PDE8B: variants seen among roughly 807,000 people sequenced by gnomAD.
PDE8B encodes high affinity cAMP-specific and IBMX-insensitive 3',5'-cyclic phosphodiesterase 8B.
PDE8B carries 26 observed loss-of-function variants against 101.3 expected under a neutral mutation model. The ratio of observed to expected loss-of-function variants is 0.26; its 90% CI spans 0.19 to 0.36. PDE8B has a LOEUF of 0.36. Among genes scored for constraint, PDE8B ranks in the 10% least tolerant of loss-of-function variants. The pLI is 1.00. For synonymous variants in PDE8B, 424 were observed against 429.3 expected, an observed-to-expected ratio of 0.99 and a Z score of 0.15; for missense variants, 810 against 1,163.1, an observed-to-expected ratio of 0.70 and a Z score of 4.42.
At chr5:77,148,356 T>G in the PDE8B span, 1 of 152,246 alleles carries the variant, frequency 6.6e-6, no homozygotes, top group African/African-American at 2.4e-5. Context: ...TGTACAGTTT[T>G]GTGTGGACAT....
intron 10 of PDE8B, among the ~76,000 whole-genome samples, chr5:77,398,112 C>CTA (rs1791458476): frequency 6.6e-6 from 1 of 151,802 alleles, no homozygotes; most frequent in Non-Finnish European, 1.5e-5. Context: ...TTAGATCCCT[C>CTA]GTGTGGCAAG....
intron 2 of PDE8B, among the ~76,000 whole-genome samples, chr5:77,314,491 A>C (rs1022576928): frequency 6.6e-6 from 1 of 152,090 alleles, no homozygotes; most frequent in East Asian, 1.9e-4. Context: ...GAGTATTACT[A>C]TGTTAACAAT....
At chr5:77,296,027 G>C (rs552515179) in intron 1 of PDE8B, among the ~76,000 whole-genome samples, 18 of 152,228 alleles carry the variant, frequency 1.2e-4, no homozygotes, top group African/African-American at 4.1e-4. Context: ...CAAGTCAAAT[G>C]ACTACCCCTA....
At chr5:77,395,301 G>C (rs1221071258) in intron 10 of PDE8B, among the ~76,000 whole-genome samples, 1 of 151,312 alleles carries the variant, frequency 6.6e-6, no homozygotes, top group Admixed American at 6.6e-5. Flanking sequence ...ATTTTTAGTA[G>C]AGAGGGGGTT....
At chr5:77,308,425 T>C (rs1771756866) in intron 1 of PDE8B, among the ~76,000 whole-genome samples, 1 of 151,986 alleles carries the variant, frequency 6.6e-6, no homozygotes, top group African/African-American at 2.4e-5. Flanking sequence ...ATGCAAAGGA[T>C]GGTAGAGATA....
the PDE8B span, among the ~76,000 whole-genome samples, chr5:77,127,256 G>A: frequency 1.3e-5 from 2 of 152,294 alleles, no homozygotes; most frequent in South Asian, 4.1e-4. Flanking sequence ...TGTTGAGGGA[G>A]GGAGGTGACT....
At chr5:77,118,406 C>G in the PDE8B span, 1 of 398,546 alleles carries the variant, frequency 2.5e-6, no homozygotes, top group Non-Finnish European at 4.4e-6. Context: ...TCAGCCTCAT[C>G]CTTCTGGGCC....
At position 77,419,701 on chromosome 5, in the gene PDE8B, G is replaced by C. The variant is rs1796236299; in HGVS notation, c.2130-66G>C. On this transcript the variant is annotated intron_variant, in intron 18 of 21. Coordinates refer to ENST00000264917, the MANE Select transcript of PDE8B (RefSeq NM_003719.5). Reference sequence around the variant, plus strand: ...TAGGTTGTGAGGAGTGTAGTGAAATGGTGGCAGAATAGTTATAATTTGAGA... The same window carrying C: ...TAGGTTGTGAGGAGTGTAGTGAAATCGTGGCAGAATAGTTATAATTTGAGA... 1.9e-6 allele frequency: 3 copies of C among 1,589,450 alleles called. No individual in the cohort carries two copies. In the South Asian group the frequency reaches 3.3e-5, roughly 18 times the overall value.
At chr5:77,295,641 T>C (rs1561484921) in intron 1 of PDE8B, among the ~76,000 whole-genome samples, 1 of 152,176 alleles carries the variant, frequency 6.6e-6, no homozygotes, top group South Asian at 2.1e-4. Flanking sequence ...ATCTCTCTAA[T>C]ATCAACAAGG....
intron 1 of PDE8B, chr5:77,291,700 G>A: frequency 6.3e-7 from 1 of 1,594,588 alleles, no homozygotes; most frequent in South Asian, 1.1e-5. Context: ...GGTGGTGGCA[G>A]GGAATCTGGC....
At chr5:77,166,205 A>G in the PDE8B span, among the ~76,000 whole-genome samples, 15 of 141,638 alleles carry the variant, frequency 1.1e-4, no homozygotes, top group Middle Eastern at 3.5e-3. Context: ...ACATTTCTTC[A>G]TGAGATTCTT....
At chr5:77,260,582 ATTTTTT>A (rs34008487) in intron 1 of PDE8B, among the ~76,000 whole-genome samples, 1 of 114,942 alleles carries the variant, frequency 8.7e-6, no homozygotes, top group Admixed American at 9.9e-5. Context: ...ACTGTGGCTC[ATTTTTT>A]TTTTTTTTTT....
At chr5:77,372,128 A>G (rs1581303496) in intron 10 of PDE8B, among the ~76,000 whole-genome samples, 1 of 152,298 alleles carries the variant, frequency 6.6e-6, no homozygotes, top group East Asian at 1.9e-4. Context: ...TGAACCCAGG[A>G]GGCAGAGGTT....
the PDE8B span, among the ~76,000 whole-genome samples, chr5:77,185,551 G>A: frequency 6.6e-6 from 1 of 152,120 alleles, no homozygotes; most frequent in Non-Finnish European, 1.5e-5. Flanking sequence ...CTGGGAGTTA[G>A]GACTTCAACC....
intron 10 of PDE8B, among the ~76,000 whole-genome samples, chr5:77,383,187 A>C (rs972608169): frequency 2.6e-5 from 4 of 152,250 alleles, no homozygotes; most frequent in African/African-American, 9.6e-5. Flanking sequence ...TCTAATGACC[A>C]GTGATGATGA....
intron 1 of PDE8B, among the ~76,000 whole-genome samples, chr5:77,239,861 C>A (rs561938167): frequency 6.6e-6 from 1 of 152,066 alleles, no homozygotes; most frequent in Non-Finnish European, 1.5e-5. Context: ...GCTTTTAAAG[C>A]ATGTTTGTTT....
At chr5:77,425,484 CGGA>C (rs1473088203) in intron 20 of PDE8B, among the ~76,000 whole-genome samples, 1 of 152,004 alleles carries the variant, frequency 6.6e-6, no homozygotes, top group Non-Finnish European at 1.5e-5. Flanking sequence ...ACCTGGGAGG[CGGA>C]GGTTGCAGTG....
At chr5:77,251,118 G>T (rs1201381814) in intron 1 of PDE8B, among the ~76,000 whole-genome samples, 1 of 152,160 alleles carries the variant, frequency 6.6e-6, no homozygotes, top group Non-Finnish European at 1.5e-5. Context: ...GTGTAACCTT[G>T]GGCAAGTGTT....
chr5:77,205,709 T>C (rs1747446923), upstream of PDE8B, among the ~76,000 whole-genome samples: 2 of 152,230 alleles, frequency 1.3e-5, no homozygotes, highest in Non-Finnish European at 2.9e-5. Context: ...AAAATAAATT[T>C]GTCGTTTCTT....
Sources: gnomAD v4.1 joint callset for allele counts (sites outside exome capture counted in the v4.1 genomes callset) on GRCh38, gnomAD v4.1.1 for gene constraint, MANE v1.5 for transcripts, NCBI Gene and HGNC (gene_info 2026-07-23, HGNC 2026-07-21) for gene names.